Variants in DRICH1 observed in about 807,000 individuals in gnomAD.
The protein encoded by DRICH1 is aspartate rich 1.
Under a neutral mutation model 39.5 loss-of-function variants are expected in DRICH1, and 38 were observed. The observed-to-expected ratio is 0.96, with a 90% CI of 0.74 to 1.26. DRICH1 has a LOEUF of 1.26. DRICH1 is among the 50% of genes most tolerant of loss of function. DRICH1 has a pLI of 0.00. For synonymous variants in DRICH1, 84 were observed against 99.5 expected, an observed-to-expected ratio of 0.84 and a Z score of 0.93; for missense variants, 279 against 270.4, an observed-to-expected ratio of 1.03 and a Z score of -0.22.
chr22:23,614,079 A>G lies in DRICH1; in HGVS notation c.621+56T>C, dbSNP rs74973983. On this transcript the variant is annotated intron_variant, in intron 9 of 11. Coordinates refer to ENST00000317749, the MANE Select transcript of DRICH1 (RefSeq NM_016449.4). ...TTTTCATATCAAAATTAATTGAGAA[A>G]TAAAGGAATCAGGAAAGCAACATTG... The G allele has an allele frequency of 3.2e-3, 3,652 of 1,151,836 alleles. 50 individuals carry two copies. In the African/African-American group the frequency reaches 0.035, roughly 11 times the overall value. 71.4% of individuals were successfully genotyped at this position (1,151,836 alleles called of 1,614,324 possible). A position where few individuals can be genotyped will look rare whatever the true frequency, so the allele number is the denominator to read the frequency against.
chr22:23,624,162 A>C, intron 3 of DRICH1: 1 of 984,856 alleles, frequency 1.0e-6, no homozygotes, highest in Admixed American at 6.1e-5. Flanking sequence ...CTAACAGTTC[A>C]TAAGGTGAGG....
intron 6 of DRICH1, 144 bp from the exon 7 acceptor site, chr22:23,617,801 G>C (rs1927454415): frequency 1.4e-6 from 1 of 718,662 alleles, no homozygotes; most frequent in Non-Finnish European, 2.4e-6. Flanking sequence ...GCAGAGGAGG[G>C]GAGCAGGCAT....
the DRICH1 span, among the ~76,000 whole-genome samples, chr22:23,600,865 G>A: frequency 4.5e-3 from 683 of 151,850 alleles, 4 homozygotes; most frequent in African/African-American, 0.016. Context: ...GTAGAGACGG[G>A]GTTTCACCGT....
At chr22:23,609,121 G>C (rs1193731225) in intron 11 of DRICH1, among the ~76,000 whole-genome samples, 1 of 152,130 alleles carries the variant, frequency 6.6e-6, no homozygotes, top group Non-Finnish European at 1.5e-5. Flanking sequence ...TTCAACTGTA[G>C]CCCAGAGGCA....
chr22:23,605,038 C>T (rs1240445489), downstream of DRICH1, among the ~76,000 whole-genome samples: 3 of 152,092 alleles, frequency 2.0e-5, no homozygotes, highest in African/African-American at 4.8e-5. Flanking sequence ...GTGAGTTGGG[C>T]GGGTCGCCTC....
the DRICH1 span, among the ~76,000 whole-genome samples, chr22:23,582,766 G>T: frequency 6.6e-6 from 1 of 151,908 alleles, no homozygotes; most frequent in Non-Finnish European, 1.5e-5. Flanking sequence ...TCACCATGTT[G>T]ATCAGGCTGG....
the DRICH1 span, among the ~76,000 whole-genome samples, chr22:23,593,230 A>G: frequency 6.6e-6 from 1 of 152,214 alleles, no homozygotes; most frequent in Non-Finnish European, 1.5e-5. Flanking sequence ...CTCAACAAAA[A>G]TTCTAGAGCT....
At chr22:23,589,861 A>G in the DRICH1 span, among the ~76,000 whole-genome samples, 1 of 152,124 alleles carries the variant, frequency 6.6e-6, no homozygotes, top group Non-Finnish European at 1.5e-5. Flanking sequence ...CCTGAATTAC[A>G]TGGCTGTAGT....
At chr22:23,618,113 C>CT (rs368348650) in intron 6 of DRICH1, among the ~76,000 whole-genome samples, 28,309 of 127,266 alleles carry the variant, frequency 0.22, 4,376 homozygotes, top group Admixed American at 0.37. Context: ...ATCACACATT[C>CT]TTTTTTTTTT....
intron 11 of DRICH1, among the ~76,000 whole-genome samples, chr22:23,611,175 C>T (rs73389026): frequency 0.053 from 8,069 of 152,116 alleles, 674 homozygotes; most frequent in African/African-American, 0.18. Flanking sequence ...CCAGTACAGG[C>T]GGTGTAGCAC....
intron 11 of DRICH1, among the ~76,000 whole-genome samples, chr22:23,612,466 C>CAAAAAAAAA (rs1211963554): frequency 8.0e-5 from 2 of 24,854 alleles, no homozygotes; most frequent in Admixed American, 4.5e-4. Context: ...GACTCCATCT[C>CAAAAAAAAA]AAAAAAAAAA....
intron 11 of DRICH1, 51 bp downstream of exon 11, chr22:23,613,238 G>A: frequency 7.1e-7 from 1 of 1,408,002 alleles, no homozygotes; most frequent in Non-Finnish European, 1.0e-6. Flanking sequence ...TAACCTGGAG[G>A]CTCCTGGGAA....
At chr22:23,605,391 CTGAGGTCTAG>C (rs2123749781), downstream of DRICH1, among the ~76,000 whole-genome samples, 1 of 152,252 alleles carries the variant, frequency 6.6e-6, no homozygotes, top group South Asian at 2.1e-4. Context: ...GTGACTCTGG[CTGAGGTCTAG>C]TGACCCACAG....
chr22:23,589,154 T>C, the DRICH1 span, among the ~76,000 whole-genome samples: 1 of 151,346 alleles, frequency 6.6e-6, no homozygotes, highest in Non-Finnish European at 1.5e-5. Context: ...AACTTAGATA[T>C]CAAAATAGGT....
chr22:23,611,690 T>C (rs1189677109), intron 11 of DRICH1, among the ~76,000 whole-genome samples: 1 of 152,166 alleles, frequency 6.6e-6, no homozygotes, highest in African/African-American at 2.4e-5. Flanking sequence ...GACATTTTGG[T>C]CAATGACAGA....
In DRICH1 at chr22:23,632,309, C is replaced by G. The variant is rs143325651; in HGVS notation, c.-286G>C. On this transcript the variant is annotated 5_prime_UTR_variant, in exon 1 of 12. Coordinates refer to ENST00000317749, the MANE Select transcript of DRICH1 (RefSeq NM_016449.4). ...GTTGGAGCTCCTCCTCCCTCCACTG[C>G]GAGCTACTGACTGAGGGCTGCTGGC... 2 of 451,408 alleles carry G rather than the reference C, an allele frequency of 4.4e-6. No individual in the cohort carries two copies. The highest frequency in any genetic ancestry group is 2.0e-5 in the African/African-American group (1 of 50,634). The allele number at this position is 451,408 out of a possible 1,614,324, so 28.0% of individuals were successfully genotyped here.
Position 23,632,151 on chromosome 22 carries a change from G to A in DRICH1, c.-128C>T. The A allele has an allele frequency of 2.1e-5, 31 of 1,468,826 alleles. No homozygotes were observed. Among genetic ancestry groups the A allele is most frequent in the Non-Finnish European group, 2.7e-5 (30 of 1,096,780 alleles). The allele number at this position is 1,468,826 out of a possible 1,614,324, so 91.0% of individuals were successfully genotyped here. ...AGCAGCCTGACCCCAGGCAGATCTG[G>A]GTCCTCAGCCCTTATTCTGCCGCCA... On this transcript the variant is annotated 5_prime_UTR_variant, in exon 1 of 12. Transcript: ENST00000317749.
chr22:23,593,097 A>T, the DRICH1 span, among the ~76,000 whole-genome samples: 10 of 152,256 alleles, frequency 6.6e-5, no homozygotes, highest in South Asian at 2.1e-3. Flanking sequence ...CTAGACAAAG[A>T]CCTTAAAACC....
Position 23,632,102 on chromosome 22 carries a change from T to C in DRICH1, c.-79A>G, listed in dbSNP as rs1921001035. The C allele has an allele frequency of 6.3e-7, 1 of 1,584,252 alleles. No individual in the cohort carries two copies. Among genetic ancestry groups the C allele is most frequent in the Non-Finnish European group, 8.6e-7 (1 of 1,164,690 alleles). On this transcript the variant is annotated 5_prime_UTR_variant, in exon 1 of 12. Transcript: ENST00000317749. ...TGTGCTGCCCTAGCAGCCACACTAC[T>C]GAGGGTGGCCCTGCACTTTTAGAAG... is the stretch of plus-strand genomic sequence containing the variant.
Sources: gnomAD v4.1 joint callset for allele counts (sites outside exome capture counted in the v4.1 genomes callset) on GRCh38, gnomAD v4.1.1 for gene constraint, MANE v1.5 for transcripts, NCBI Gene and HGNC (gene_info 2026-07-23, HGNC 2026-07-21) for gene names.